Variants in P3H2 observed in about 807,000 individuals in gnomAD.
P3H2 encodes prolyl 3-hydroxylase 2.
P3H2 carries 80 observed loss-of-function variants against 87.0 expected under a neutral mutation model. That is an observed-to-expected ratio of 0.92 (90% confidence interval 0.77 to 1.11). P3H2 has a LOEUF of 1.11. Ranked by LOEUF, P3H2 falls within the 50% of genes least tolerant of loss-of-function variation. P3H2 has a pLI of 0.00. For missense variants in P3H2, 1,001 were observed against 923.9 expected (o/e 1.08, Z -1.08); for synonymous variants, 367 against 359.3 (o/e 1.02, Z -0.24).
chr3:190,039,728 G>A (rs560983273), intron 1 of P3H2, among the ~76,000 whole-genome samples: 6 of 152,290 alleles, frequency 3.9e-5, no homozygotes, highest in South Asian at 4.1e-4. Flanking sequence ...TTTCCAGAAC[G>A]CATGAGGACT....
intron 1 of P3H2, among the ~76,000 whole-genome samples, chr3:190,057,670 G>A (rs2108964868): frequency 6.6e-6 from 1 of 152,284 alleles, no homozygotes; most frequent in East Asian, 1.9e-4. Flanking sequence ...GCAGAGGGAA[G>A]GCTGAGGCAA....
intron 1 of P3H2, among the ~76,000 whole-genome samples, chr3:190,086,430 T>C (rs1216171515): frequency 1.3e-5 from 2 of 152,172 alleles, no homozygotes; most frequent in Non-Finnish European, 2.9e-5. Context: ...GATGCCCAGC[T>C]CATCTCTCTA....
At chr3:190,118,587 T>C (rs1467980194) in intron 1 of P3H2, among the ~76,000 whole-genome samples, 1 of 151,642 alleles carries the variant, frequency 6.6e-6, no homozygotes, top group Non-Finnish European at 1.5e-5. Flanking sequence ...TCAGACTTTC[T>C]CCTCATTTCT....
chr3:189,969,834 T>C, intron 13 of P3H2: 5 of 1,558,352 alleles, frequency 3.2e-6, no homozygotes, highest in Non-Finnish European at 4.4e-6. Context: ...CCAATCTTCA[T>C]GGCAGTGGTG....
At chr3:190,014,017 G>A (rs565429690) in intron 1 of P3H2, among the ~76,000 whole-genome samples, 2 of 151,524 alleles carry the variant, frequency 1.3e-5, no homozygotes, top group African/African-American at 2.4e-5. Flanking sequence ...GTCTACTAGC[G>A]AGAAAAAAAA....
intron 1 of P3H2, among the ~76,000 whole-genome samples, chr3:190,105,090 CTT>C (rs2108518586): frequency 6.6e-6 from 1 of 152,258 alleles, no homozygotes; most frequent in African/African-American, 2.4e-5. Context: ...ATCATGGAGT[CTT>C]ATAGACTTTG....
chr3:190,096,007 C>T (rs1413625622), intron 1 of P3H2, among the ~76,000 whole-genome samples: 1 of 152,156 alleles, frequency 6.6e-6, no homozygotes. Context: ...TGTAAACCAT[C>T]TCTTTTGATG....
intron 1 of P3H2, among the ~76,000 whole-genome samples, chr3:190,028,590 G>A (rs1049008644): frequency 6.6e-6 from 1 of 152,170 alleles, no homozygotes; most frequent in Non-Finnish European, 1.5e-5. Flanking sequence ...AAGTGCCATG[G>A]TTTAATCTTC....
intron 9 of P3H2, 34 bp from the exon 10 acceptor site, chr3:189,974,038 G>T: frequency 6.5e-7 from 1 of 1,530,732 alleles, no homozygotes; most frequent in Non-Finnish European, 9.1e-7. Context: ...CGTCATCAAT[G>T]ATAACTATGA....
At chr3:190,068,030 A>G (rs1726570685) in intron 1 of P3H2, among the ~76,000 whole-genome samples, 1 of 152,110 alleles carries the variant, frequency 6.6e-6, no homozygotes, top group South Asian at 2.1e-4. Flanking sequence ...CAACTTTTTA[A>G]TTTAATTTTA....
intron 8 of P3H2, among the ~76,000 whole-genome samples, chr3:189,977,013 C>G (rs952844131): frequency 7.9e-5 from 12 of 152,234 alleles, no homozygotes; most frequent in African/African-American, 2.6e-4. Flanking sequence ...TATTAATGTC[C>G]TAAGTAGTAA....
intron 1 of P3H2, among the ~76,000 whole-genome samples, chr3:190,112,682 T>C (rs900737018): frequency 4.0e-5 from 6 of 149,960 alleles, no homozygotes; most frequent in African/African-American, 1.5e-4. Context: ...AGGAGTGTGG[T>C]CAAGAGAAAT....
intron 1 of P3H2, among the ~76,000 whole-genome samples, chr3:190,092,353 C>G (rs1727435003): frequency 6.6e-6 from 1 of 152,146 alleles, no homozygotes; most frequent in Non-Finnish European, 1.5e-5. Context: ...CTAAAATAAC[C>G]CCAATGCCAT....
At chr3:189,998,089 A>T (rs1402565433) in intron 1 of P3H2, among the ~76,000 whole-genome samples, 1 of 152,142 alleles carries the variant, frequency 6.6e-6, no homozygotes, top group Non-Finnish European at 1.5e-5. Flanking sequence ...AAAAAGATAA[A>T]TAATAGCATA....
chr3:190,066,158 T>TATATACACACACACACAC (rs1256956930), intron 1 of P3H2, among the ~76,000 whole-genome samples: 79 of 134,594 alleles, frequency 5.9e-4, no homozygotes, highest in African/African-American at 2.4e-3. Flanking sequence ...TATATATATA[T>TATATACACACACACACAC]ACACACACAC....
rs975097796 is a variant in P3H2, at chr3:190,120,408, G to A, written c.324C>T (p.Pro108=). The change falls in exon 1 of 15, where the codon CCC becomes CCT. Residue 108 remains proline, a synonymous_variant. Transcript: ENST00000319332. ...PPGEGPGAEL[P]LFRSLLGRAR... ...CCCGCCCCAACAAGGAGCGGAAAAG[G>A]GGCAGCTCAGCGCCGGGGCCCTCGC... 1.3e-6 allele frequency: 2 copies of A among 1,534,016 alleles called. No individual in the cohort carries two copies. Among genetic ancestry groups the A allele is most frequent in the South Asian group, 1.2e-5 (1 of 83,556 alleles).
chr3:190,035,013 T>C (rs1725374692), intron 1 of P3H2, among the ~76,000 whole-genome samples: 1 of 151,896 alleles, frequency 6.6e-6, no homozygotes, highest in South Asian at 2.1e-4. Context: ...CACACCCGAC[T>C]AATTTTTGTA....
At chr3:189,974,756 G>A in intron 8 of P3H2, 71 bp from the exon 9 acceptor site, 2 of 1,581,922 alleles carry the variant, frequency 1.3e-6, no homozygotes, top group Non-Finnish European at 8.7e-7. Flanking sequence ...ATACCAAACA[G>A]CTTTCAATGT....
intron 1 of P3H2, among the ~76,000 whole-genome samples, chr3:190,115,031 T>A (rs1712235539): frequency 6.6e-6 from 1 of 152,192 alleles, no homozygotes; most frequent in Admixed American, 6.5e-5. Flanking sequence ...GTGAGGAAAT[T>A]CCTAGAGTTT....
Sources: gnomAD v4.1 joint callset for allele counts (sites outside exome capture counted in the v4.1 genomes callset) on GRCh38, gnomAD v4.1.1 for gene constraint, MANE v1.5 for transcripts, NCBI Gene and HGNC (gene_info 2026-07-23, HGNC 2026-07-21) for gene names.